The following OR10Z1 variants were observed in gnomAD, a reference collection of about 807,000 sequenced individuals.
The protein encoded by OR10Z1 is olfactory receptor family 10 subfamily Z member 1, also known as olfactory receptor 10Z1.
For synonymous variants in OR10Z1, 187 were observed against 151.2 expected (o/e 1.24, Z -1.74); for missense variants, 468 against 371.0 (o/e 1.26, Z -2.15).
chr1:158,605,415 C>A lies in OR10Z1; in HGVS notation c.-114+14C>A, dbSNP rs1017883558. 2.0e-5 allele frequency: 3 copies of A among 152,716 alleles called. No homozygotes were observed. Among genetic ancestry groups the A allele is most frequent in the African/African-American group, 7.2e-5 (3 of 41,450 alleles). The allele number at this position is 152,716 out of a possible 1,614,324, so 9.5% of individuals were successfully genotyped here. A position where few individuals can be genotyped will look rare whatever the true frequency, so the allele number is the denominator to read the frequency against. On this transcript the variant is annotated intron_variant, in intron 1 of 1. Transcript: ENST00000641002. ...GAGTCTGTTCAGGTGAGTGGAGAAT[C>A]CTCCCTTGACTTATGCTTTGGTTTA...
rs1313387455 is a variant in OR10Z1 at position 158,610,252 on chromosome 1, T to C, written c.*2872T>C. 1 of 152,116 alleles carries C rather than the reference T, an allele frequency of 6.6e-6. No homozygotes were observed. Among genetic ancestry groups the C allele is most frequent in the East Asian group, 1.9e-4 (1 of 5,178 alleles). The allele number at this position is 152,116 out of a possible 1,614,324, so 9.4% of individuals were successfully genotyped here. On this transcript the variant is annotated 3_prime_UTR_variant, in exon 2 of 2. Transcript: ENST00000641002. ...GATGGTAATCAAGTGGCAACATGAA[T>C]GGATTGGTAAGTGGGGACTATTTGT...
Position 158,611,584 on chromosome 1 carries a change from T to C in OR10Z1, c.*4204T>C. The C allele has an allele frequency of 1.8e-6, 1 of 548,932 alleles. No homozygotes were observed. Among genetic ancestry groups the C allele is most frequent in the East Asian group, 3.4e-5 (1 of 29,526 alleles). 34.0% of individuals were successfully genotyped at this position (548,932 alleles called of 1,614,324 possible). The stretch of plus-strand genomic sequence containing the variant: ...GTAACTTAACTTTTAATCTCAGCCC[T>C]TTCTTGAAAAAGAGAGCTTACTCAC... On this transcript the variant is annotated 3_prime_UTR_variant, in exon 2 of 2. Transcript: ENST00000641002.
chr1:158,606,650 C>T lies in OR10Z1; in HGVS notation c.212C>T (p.Thr71Ile), dbSNP rs750887023. 1 of 1,614,058 alleles carries T rather than the reference C, an allele frequency of 6.2e-7. No individual in the cohort carries two copies. ...CTTTCCTTCCTATCCTTCTCTGAGA[C>T]CTGCTACACTTTGGGCATCATCCCT... The part of the protein sequence containing the change: ...LFLSFLSFSE[T>I]CYTLGIIPRM... Residue 71 changes from threonine to isoleucine, a missense_variant, in exon 2 of 2, where the codon ACC becomes ATC. By Grantham distance (89) the Thr-to-Ile change is moderately conservative. Transcript: ENST00000641002.
chr1:158,612,167 A>G lies in OR10Z1; in HGVS notation c.*4787A>G, dbSNP rs1215966605. 1 of 154,636 alleles carries G rather than the reference A, an allele frequency of 6.5e-6. No individual in the cohort carries two copies. Among genetic ancestry groups the G allele is most frequent in the African/African-American group, 2.4e-5 (1 of 41,424 alleles). The allele number at this position is 154,636 out of a possible 1,614,324, so 9.6% of individuals were successfully genotyped here. On this transcript the variant is annotated 3_prime_UTR_variant, in exon 2 of 2. Transcript: ENST00000641002. ...ACCTTATGCTTTAGGTATTAGGAAAATCTGTTTTCTCAAGTTCCTTTGCAC... is the reference window on the plus strand; with the variant it reads ...ACCTTATGCTTTAGGTATTAGGAAAGTCTGTTTTCTCAAGTTCCTTTGCAC...
chr1:158,605,379 CA>C lies in OR10Z1; in HGVS notation c.-135del, dbSNP rs1649024896. On this transcript the variant is annotated 5_prime_UTR_variant, in exon 1 of 2. An upstream open reading frame in the 5' UTR gains an earlier in-frame stop. Transcript: ENST00000641002. Reference sequence around the variant, plus strand: ...GCAGGACTTGCTTTGTGAGCCTCTTCAGGTCAGCGTGAGTCTGTTCAGGTGA... The same window carrying C: ...GCAGGACTTGCTTTGTGAGCCTCTTCGGTCAGCGTGAGTCTGTTCAGGTGA... The C allele has an allele frequency of 6.5e-6, 1 of 152,778 alleles. No homozygotes were observed. Among genetic ancestry groups the C allele is most frequent in the South Asian group, 2.1e-4 (1 of 4,830 alleles). The allele number at this position is 152,778 out of a possible 1,614,324, so 9.5% of individuals were successfully genotyped here.
In OR10Z1 at chr1:158,611,254, G is replaced by T; in HGVS notation, c.*3874G>T. The T allele has an allele frequency of 1.2e-6, 2 of 1,613,334 alleles. No individual in the cohort carries two copies. The highest frequency in any genetic ancestry group is 2.2e-5 in the South Asian group (2 of 91,062). Reference sequence around the variant, plus strand: ...ACTAAGATTTTCTACGATCCACGAGGAGCTGCTTATTAGTTGCCAAAGTAG... The same window carrying T: ...ACTAAGATTTTCTACGATCCACGAGTAGCTGCTTATTAGTTGCCAAAGTAG... On this transcript the variant is annotated 3_prime_UTR_variant, in exon 2 of 2. Coordinates refer to ENST00000641002, the MANE Select transcript of OR10Z1 (RefSeq NM_001004478.2).
rs1649025083 is a variant in OR10Z1 at position 158,605,388 on chromosome 1, G to GT, written c.-126dup. On this transcript the variant is annotated 5_prime_UTR_variant, in exon 1 of 2. Transcript: ENST00000641002. ...GCTTTGTGAGCCTCTTCAGGTCAGC[G>GT]TGAGTCTGTTCAGGTGAGTGGAGAA... 1 of 152,842 alleles carries GT rather than the reference G, an allele frequency of 6.5e-6. No homozygotes were observed. The highest frequency in any genetic ancestry group is 2.1e-4 in the South Asian group (1 of 4,836). The allele number at this position is 152,842 out of a possible 1,614,324, so 9.5% of individuals were successfully genotyped here.
chr1:158,607,166 C>G lies in OR10Z1; in HGVS notation c.728C>G (p.Ser243Trp). 6.2e-7 allele frequency: 1 copy of G among 1,614,070 alleles called. No individual in the cohort carries two copies. The highest frequency in any genetic ancestry group is 8.5e-7 in the Non-Finnish European group (1 of 1,179,984). ...AAGAAGGCCTTCTCCACTTGTGCCTCGCACCTTACAGTGGTCATTATTCAT... is the reference window on the plus strand; with the variant it reads ...AAGAAGGCCTTCTCCACTTGTGCCTGGCACCTTACAGTGGTCATTATTCAT... ...GQKKAFSTCA[S>W]HLTVVIIHYG... The change falls in exon 2 of 2, where the codon TCG (serine) becomes TGG (tryptophan). Residue 243 changes from serine to tryptophan, a missense_variant. Transcript: ENST00000641002.
At position 158,606,686 on chromosome 1, in the gene OR10Z1, C is replaced by T. The variant is rs144307016; in HGVS notation, c.248C>T (p.Ser83Phe). Reference protein sequence around the residue: ...YTLGIIPRMLSGLAGGDQAIS... With the variant: ...YTLGIIPRMLFGLAGGDQAIS... ...TTGGGCATCATCCCTAGAATGCTCT[C>T]TGGCCTGGCTGGGGGGGACCAGGCT... is the stretch of plus-strand genomic sequence containing the variant. The change falls in exon 2 of 2, where the codon TCT becomes TTT. Residue 83 changes from serine to phenylalanine, a missense_variant. Physicochemically the swap from Ser to Phe is radical, Grantham distance 155. Coordinates refer to ENST00000641002, the MANE Select transcript of OR10Z1 (RefSeq NM_001004478.2). 20 of 1,614,084 alleles carry T rather than the reference C, an allele frequency of 1.2e-5. No homozygotes were observed. The highest frequency in any genetic ancestry group is 1.7e-5 in the Non-Finnish European group (20 of 1,179,984).
rs1304609314 is a variant in OR10Z1, at chr1:158,608,071, C to G, written c.*691C>G. On this transcript the variant is annotated 3_prime_UTR_variant, in exon 2 of 2. Transcript: ENST00000641002. ...ATAGTTGTCCTCACTATCTCTGACTCTGTTACTTTGCCCTTTTTGTTTTGA... is the reference window on the plus strand; with the variant it reads ...ATAGTTGTCCTCACTATCTCTGACTGTGTTACTTTGCCCTTTTTGTTTTGA... The G allele has an allele frequency of 6.6e-6, 1 of 152,118 alleles. No individual in the cohort carries two copies. Among genetic ancestry groups the G allele is most frequent in the East Asian group, 1.9e-4 (1 of 5,190 alleles). The allele number at this position is 152,118 out of a possible 1,614,324, so 9.4% of individuals were successfully genotyped here.
In OR10Z1 at chr1:158,607,635, C is replaced by T; in HGVS notation, c.*255C>T. The T allele has an allele frequency of 2.6e-6, 1 of 385,364 alleles. No homozygotes were observed. Among genetic ancestry groups the T allele is most frequent in the South Asian group, 9.1e-5 (1 of 10,952 alleles). 23.9% of individuals were successfully genotyped at this position (385,364 alleles called of 1,614,324 possible). A position where few individuals can be genotyped will look rare whatever the true frequency, so the allele number is the denominator to read the frequency against. ...AACTTTCAGCCTCCTAGATGCCACC[C>T]CTAGTTACTGAAACCCATTGAGAAT... On this transcript the variant is annotated 3_prime_UTR_variant, in exon 2 of 2. Coordinates refer to ENST00000641002, the MANE Select transcript of OR10Z1 (RefSeq NM_001004478.2).
At position 158,610,487 on chromosome 1, in the gene OR10Z1, CT is replaced by C. The variant is rs559161396; in HGVS notation, c.*3110del. ...TTATAAATAATTCTATTAACTGTTACTTTAACAGGATATTGAAGTATTATTT... is the reference window on the plus strand; with the variant it reads ...TTATAAATAATTCTATTAACTGTTACTTAACAGGATATTGAAGTATTATTT... On this transcript the variant is annotated 3_prime_UTR_variant, in exon 2 of 2. Transcript: ENST00000641002. The C allele has an allele frequency of 2.6e-5, 4 of 151,928 alleles. No homozygotes were observed. Among genetic ancestry groups the C allele is most frequent in the African/African-American group, 9.7e-5 (4 of 41,370 alleles). 9.4% of individuals were successfully genotyped at this position (151,928 alleles called of 1,614,324 possible). A position where few individuals can be genotyped will look rare whatever the true frequency, so the allele number is the denominator to read the frequency against.
chr1:158,609,327 G>A lies in OR10Z1; in HGVS notation c.*1947G>A, dbSNP rs924011392. ...AGAGAAGAGAACAGGATGAAGACAA[G>A]TAGATGAGTTAGTCAGATAGCCAAA... On this transcript the variant is annotated 3_prime_UTR_variant, in exon 2 of 2. Coordinates refer to ENST00000641002, the MANE Select transcript of OR10Z1 (RefSeq NM_001004478.2). The A allele has an allele frequency of 6.6e-6, 1 of 152,148 alleles. No individual in the cohort carries two copies. Among genetic ancestry groups the A allele is most frequent in the Admixed American group, 6.6e-5 (1 of 15,254 alleles). 9.4% of individuals were successfully genotyped at this position (152,148 alleles called of 1,614,324 possible). A position where few individuals can be genotyped will look rare whatever the true frequency, so the allele number is the denominator to read the frequency against.
Position 158,611,166 on chromosome 1 carries a change from C to CACACACACACAA in OR10Z1, c.*3786_*3787insACACACACACAA. 2 of 1,387,702 alleles carry CACACACACACAA rather than the reference C, an allele frequency of 1.4e-6. No individual in the cohort carries two copies. Among genetic ancestry groups the CACACACACACAA allele is most frequent in the Non-Finnish European group, 2.0e-6 (2 of 989,744 alleles). 86.0% of individuals were successfully genotyped at this position (1,387,702 alleles called of 1,614,324 possible). ...ACACACACACACACACACACACACA[C>CACACACACACAA]GAGGCCATCTTTATCTTCCACATTT... On this transcript the variant is annotated 3_prime_UTR_variant, in exon 2 of 2. Coordinates refer to ENST00000641002, the MANE Select transcript of OR10Z1 (RefSeq NM_001004478.2).
chr1:158,607,015 G>C lies in OR10Z1; in HGVS notation c.577G>C (p.Gly193Arg), dbSNP rs1243424469. 2 of 1,613,914 alleles carry C rather than the reference G, an allele frequency of 1.2e-6. No individual in the cohort carries two copies. Among genetic ancestry groups the C allele is most frequent in the East Asian group, 2.2e-5 (1 of 44,880 alleles). The change falls in exon 2 of 2, where the codon GGC becomes CGC. Residue 193 changes from glycine (G) to arginine (R), a missense_variant. Coordinates refer to ENST00000641002, the MANE Select transcript of OR10Z1 (RefSeq NM_001004478.2). Reference protein sequence around the residue: ...PVLSLACGDTGPSELRIFILS... With the variant: ...PVLSLACGDTRPSELRIFILS... ...GCTGAGCCTAGCCTGTGGAGATACA[G>C]GCCCGAGTGAGCTGAGGATCTTTAT...
rs968995336 is a variant in OR10Z1 at position 158,606,885 on chromosome 1, C to T, written c.447C>T (p.Phe149=). The T allele has an allele frequency of 6.2e-7, 1 of 1,614,042 alleles. No homozygotes were observed. Among genetic ancestry groups the T allele is most frequent in the Non-Finnish European group, 8.5e-7 (1 of 1,179,984 alleles). ...GTGCCCAGCTGGTCATTACTTCCTT[C>T]CTGACTGGATACCTCTTTGGACTGG... ...TLCAQLVITS[F]LTGYLFGLGM... Residue 149 remains phenylalanine, a synonymous_variant, in exon 2 of 2, where the codon TTC becomes TTT. Transcript: ENST00000641002.
Position 158,612,458 on chromosome 1 carries a change from C to T in OR10Z1, c.*5078C>T. ...TTTAACTTGTAAAGTTCTGTCTTCC[C>T]CACTACACCTGAATTTAGGGACTGT... On this transcript the variant is annotated 3_prime_UTR_variant, in exon 2 of 2. Coordinates refer to ENST00000641002, the MANE Select transcript of OR10Z1 (RefSeq NM_001004478.2). 1 of 319,158 alleles carries T rather than the reference C, an allele frequency of 3.1e-6. No individual in the cohort carries two copies. The highest frequency in any genetic ancestry group is 8.2e-5 in the East Asian group (1 of 12,216). The allele number at this position is 319,158 out of a possible 1,614,324, so 19.8% of individuals were successfully genotyped here. A position where few individuals can be genotyped will look rare whatever the true frequency, so the allele number is the denominator to read the frequency against.
Position 158,609,121 on chromosome 1 carries a change from G to A in OR10Z1, c.*1741G>A, listed in dbSNP as rs1311570971. ...ACAAACATGAGATTTTGAGAAGGTA[G>A]AATTCACAGGATTTGGCAGTGAGAT... On this transcript the variant is annotated 3_prime_UTR_variant, in exon 2 of 2. Transcript: ENST00000641002. 6.6e-6 allele frequency: 1 copy of A among 152,204 alleles called. No homozygotes were observed. Among genetic ancestry groups the A allele is most frequent in the Non-Finnish European group, 1.5e-5 (1 of 68,036 alleles). The allele number at this position is 152,204 out of a possible 1,614,324, so 9.4% of individuals were successfully genotyped here. A position where few individuals can be genotyped will look rare whatever the true frequency, so the allele number is the denominator to read the frequency against.
chr1:158,608,046 A>G lies in OR10Z1; in HGVS notation c.*666A>G, dbSNP rs1649104729. The G allele has an allele frequency of 1.3e-5, 2 of 152,084 alleles. No individual in the cohort carries two copies. The highest frequency in any genetic ancestry group is 2.9e-5 in the Non-Finnish European group (2 of 68,012). The allele number at this position is 152,084 out of a possible 1,614,324, so 9.4% of individuals were successfully genotyped here. On this transcript the variant is annotated 3_prime_UTR_variant, in exon 2 of 2. Transcript: ENST00000641002. Reference sequence around the variant, plus strand: ...CAAAAACATGGAATCATCTTTTTATATAGTTGTCCTCACTATCTCTGACTC... The same window carrying G: ...CAAAAACATGGAATCATCTTTTTATGTAGTTGTCCTCACTATCTCTGACTC...
Sources: gnomAD v4.1 joint callset for allele counts on GRCh38, gnomAD v4.1.1 for gene constraint, MANE v1.5 for transcripts, NCBI Gene and HGNC (gene_info 2026-07-23, HGNC 2026-07-21) for gene names.